The following LY86 variants were observed in gnomAD, a reference collection of about 807,000 sequenced individuals.
The protein encoded by LY86 is MD-1, RP105-associated.
LY86 carries 20 observed loss-of-function variants against 17.3 expected under a neutral mutation model. The observed-to-expected ratio is 1.15, with a 90% confidence interval of 0.81 to 1.68. The LOEUF (loss-of-function observed/expected upper bound fraction) is 1.68. LY86 is among the 40% of genes most tolerant of loss of function. The pLI is 0.00. For missense variants in LY86, 200 were observed against 191.9 expected (o/e 1.04, Z -0.25); for synonymous variants, 74 against 70.6 (o/e 1.05, Z -0.24).
At chr6:6,637,175 G>A (rs1276864880) in intron 3 of LY86, among the ~76,000 whole-genome samples, 1 of 151,826 alleles carries the variant, frequency 6.6e-6, no homozygotes, top group Non-Finnish European at 1.5e-5. Context: ...ATCACGCTCG[G>A]CTAATTTTTG....
intron 1 of LY86, among the ~76,000 whole-genome samples, chr6:6,600,440 A>C (rs931445845): frequency 2.0e-5 from 3 of 151,852 alleles, no homozygotes; most frequent in Non-Finnish European, 2.9e-5. Flanking sequence ...AAATACAAAA[A>C]ATTAGCCAGG....
At chr6:6,639,050 G>A (rs1240407357) in intron 3 of LY86, among the ~76,000 whole-genome samples, 2 of 151,894 alleles carry the variant, frequency 1.3e-5, no homozygotes, top group Admixed American at 1.3e-4. Context: ...TGATAGACTG[G>A]ATTAAGAAAA....
intron 3 of LY86, among the ~76,000 whole-genome samples, chr6:6,637,778 G>A (rs140168970): frequency 6.6e-5 from 10 of 152,196 alleles, no homozygotes; most frequent in African/African-American, 1.9e-4. Flanking sequence ...CTCTTTCCCA[G>A]GGTTGCCCAG....
At chr6:6,621,967 GA>G (rs1345521871) in intron 1 of LY86, among the ~76,000 whole-genome samples, 1 of 152,158 alleles carries the variant, frequency 6.6e-6, no homozygotes, top group Non-Finnish European at 1.5e-5. Context: ...GGGGTTGGGG[GA>G]GGAGGAAGAA....
intron 3 of LY86, among the ~76,000 whole-genome samples, chr6:6,633,457 G>C (rs1015649355): frequency 1.3e-5 from 2 of 152,102 alleles, no homozygotes; most frequent in African/African-American, 4.8e-5. Context: ...TTGTTACATA[G>C]TTAAACGTGT....
intron 1 of LY86, among the ~76,000 whole-genome samples, chr6:6,613,790 C>T (rs1761472179): frequency 6.6e-6 from 1 of 152,238 alleles, no homozygotes; most frequent in Admixed American, 6.5e-5. Flanking sequence ...TGCCAGCATG[C>T]TGTCACCTCT....
chr6:6,589,620 GATTT>G (rs1760463770), intron 1 of LY86, among the ~76,000 whole-genome samples: 1 of 152,134 alleles, frequency 6.6e-6, no homozygotes, highest in Non-Finnish European at 1.5e-5. Context: ...TTAAATAACA[GATTT>G]ATTTCCTCAC....
chr6:6,592,246 A>G (rs918647971), intron 1 of LY86, among the ~76,000 whole-genome samples: 2 of 152,198 alleles, frequency 1.3e-5, no homozygotes, highest in Non-Finnish European at 2.9e-5. Context: ...GAAAAAGCAG[A>G]AGTCCTGGCC....
At chr6:6,605,439 T>C (rs959179514) in intron 1 of LY86, among the ~76,000 whole-genome samples, 2 of 152,258 alleles carry the variant, frequency 1.3e-5, no homozygotes, top group African/African-American at 2.4e-5. Context: ...TCCGCTTTCA[T>C]GCCCACTCAC....
chr6:6,636,951 A>T (rs1761968122), intron 3 of LY86, among the ~76,000 whole-genome samples: 1 of 149,754 alleles, frequency 6.7e-6, no homozygotes, highest in South Asian at 2.1e-4. Context: ...ACAAGCAATG[A>T]CTAAGCAAAA....
At chr6:6,605,205 AG>A in intron 1 of LY86, among the ~76,000 whole-genome samples, 1 of 152,378 alleles carries the variant, frequency 6.6e-6, no homozygotes, top group African/African-American at 2.4e-5. Flanking sequence ...AGAATGTGTT[AG>A]ATTTCTATTT....
Position 6,649,505 on chromosome 6 carries a change from A to G in LY86, c.353-120A>G. 4 of 630,630 alleles carry G rather than the reference A, an allele frequency of 6.3e-6. No individual in the cohort carries two copies. The South Asian group carries it at 8.0e-5, about 13-fold the overall frequency. The allele number at this position is 630,630 out of a possible 1,614,324, so 39.1% of individuals were successfully genotyped here. A position where few individuals can be genotyped will look rare whatever the true frequency, so the allele number is the denominator to read the frequency against. On this transcript the variant is annotated intron_variant, in intron 3 of 4. Transcript: ENST00000230568. ...TCAGGAAATGAAAACATTTCTAGCAATAGCTGCTCTTATTTTGGTGCCAAT... is the reference window on the plus strand; with the variant it reads ...TCAGGAAATGAAAACATTTCTAGCAGTAGCTGCTCTTATTTTGGTGCCAAT...
chr6:6,615,747 A>G (rs1453075383), intron 1 of LY86, among the ~76,000 whole-genome samples: 4 of 143,482 alleles, frequency 2.8e-5, no homozygotes, highest in Non-Finnish European at 6.1e-5. Context: ...AAAGCTGGGC[A>G]CAGGCACAGT....
chr6:6,646,836 A>T (rs1404754583), intron 3 of LY86, among the ~76,000 whole-genome samples: 3 of 152,182 alleles, frequency 2.0e-5, no homozygotes, highest in Non-Finnish European at 4.4e-5. Flanking sequence ...ATTGACCTTC[A>T]GTAGCATCAG....
At chr6:6,647,366 A>G (rs1206221492) in intron 3 of LY86, among the ~76,000 whole-genome samples, 1 of 152,156 alleles carries the variant, frequency 6.6e-6, no homozygotes, top group Non-Finnish European at 1.5e-5. Flanking sequence ...ACAAAGAAAC[A>G]AGCCATTCTT....
At chr6:6,652,915 T>C (rs1308054998) in intron 4 of LY86, among the ~76,000 whole-genome samples, 1 of 152,244 alleles carries the variant, frequency 6.6e-6, no homozygotes, top group Non-Finnish European at 1.5e-5. Context: ...AATACATTTG[T>C]AGGTGTGTGT....
intron 3 of LY86, among the ~76,000 whole-genome samples, chr6:6,630,289 T>G (rs184620590): frequency 1.3e-5 from 2 of 152,270 alleles, no homozygotes; most frequent in African/African-American, 4.8e-5. Flanking sequence ...TAGAAAGTTC[T>G]GAATCAAAGA....
chr6:6,613,844 TC>T (rs373941465), intron 1 of LY86, among the ~76,000 whole-genome samples: 1,588 of 152,368 alleles, frequency 0.01, 15 homozygotes, highest in Middle Eastern at 0.027. Context: ...TTATCCGCCT[TC>T]CTTCAGTCAC....
intron 1 of LY86, among the ~76,000 whole-genome samples, chr6:6,617,658 T>C (rs955105102): frequency 6.6e-6 from 1 of 152,156 alleles, no homozygotes; most frequent in Admixed American, 6.5e-5. Flanking sequence ...GCCAAGTTGC[T>C]CTTCCTATTG....
Sources: gnomAD v4.1 joint callset for allele counts (sites outside exome capture counted in the v4.1 genomes callset) on GRCh38, gnomAD v4.1.1 for gene constraint, MANE v1.5 for transcripts, NCBI Gene and HGNC (gene_info 2026-07-23, HGNC 2026-07-21) for gene names.